Variants in TRIM37 observed in about 807,000 individuals in gnomAD.
The protein encoded by TRIM37 is tripartite motif containing 37.
Under a neutral mutation model 129.8 loss-of-function variants are expected in TRIM37, and 80 were observed. That is an observed-to-expected ratio of 0.62 (90% CI 0.51 to 0.74). TRIM37 has a LOEUF of 0.74. Among genes scored for constraint, TRIM37 ranks in the 30% least tolerant of loss-of-function variants. The pLI, the probability that TRIM37 is intolerant of heterozygous loss-of-function variation, is 0.00. For synonymous variants in TRIM37, 389 were observed against 387.1 expected, an observed-to-expected ratio of 1.00 and a Z score of -0.06; for missense variants, 1,054 against 1,176.5, an observed-to-expected ratio of 0.90 and a Z score of 1.52.
At chr17:59,085,288 C>T (rs1226804464) in intron 4 of TRIM37, among the ~76,000 whole-genome samples, 1 of 151,950 alleles carries the variant, frequency 6.6e-6, no homozygotes, top group African/African-American at 2.4e-5. Context: ...AATCACACCA[C>T]TGCACTCCAG....
chr17:59,032,940 A>G (rs2038049811), intron 17 of TRIM37, among the ~76,000 whole-genome samples: 1 of 152,164 alleles, frequency 6.6e-6, no homozygotes, highest in African/African-American at 2.4e-5. Context: ...TGACTGATGC[A>G]CATTACAGAC....
At chr17:58,981,668 T>TAA (rs1260179551), downstream of TRIM37, 1 of 152,646 alleles carries the variant, frequency 6.6e-6, no homozygotes, top group East Asian at 1.9e-4. Context: ...TCCTGTAACA[T>TAA]AAAAGATTGT....
In TRIM37 at chr17:59,001,324, T is replaced by A. The variant is rs144449592; in HGVS notation, c.2812+274A>T. Among the ~76,000 whole-genome samples, 99 of 150,592 alleles carry A rather than the reference T, an allele frequency of 6.6e-4. 1 individual carries two copies. Among genetic ancestry groups the A allele is most frequent in the African/African-American group, 2.3e-3 (94 of 40,950 alleles). On this transcript the variant is annotated intron_variant, in intron 23 of 23. Coordinates refer to ENST00000262294, the MANE Select transcript of TRIM37 (RefSeq NM_015294.6). Reference sequence around the variant, plus strand: ...AGGTCACAGACTATACAAAAGCAGGTTGTGGACCCCGTCTCTGCCCAGTAA... The same window carrying A: ...AGGTCACAGACTATACAAAAGCAGGATGTGGACCCCGTCTCTGCCCAGTAA...
downstream of TRIM37, among the ~76,000 whole-genome samples, chr17:58,979,548 A>G (rs997729844): frequency 6.6e-6 from 1 of 152,252 alleles, no homozygotes; most frequent in African/African-American, 2.4e-5. Context: ...GCTTCTTTCA[A>G]TGTGGGCTTG....
chr17:59,076,498 A>G (rs941735908), intron 7 of TRIM37, among the ~76,000 whole-genome samples: 1 of 152,252 alleles, frequency 6.6e-6, no homozygotes, highest in Non-Finnish European at 1.5e-5. Flanking sequence ...TCATGCAATG[A>G]GCCTTGATTG....
At chr17:58,982,966 T>C in intron 24 of TRIM37, 1 of 1,541,676 alleles carries the variant, frequency 6.5e-7, no homozygotes, top group South Asian at 1.2e-5. Flanking sequence ...TGGTACACAT[T>C]ATAGTCCAAA....
At chr17:58,969,412 A>T in the TRIM37 span, 13 of 889,988 alleles carry the variant, frequency 1.5e-5, no homozygotes, top group Admixed American at 1.9e-5. Context: ...GAAAACATTT[A>T]GTCTCATTAT....
chr17:59,055,913 C>A (rs1354208909), intron 13 of TRIM37, among the ~76,000 whole-genome samples: 3 of 151,958 alleles, frequency 2.0e-5, no homozygotes, highest in African/African-American at 7.3e-5. Flanking sequence ...CACATGTACC[C>A]CTGAACCTAA....
chr17:58,996,792 ATGTG>A (rs111408971), downstream of TRIM37, among the ~76,000 whole-genome samples: 1,713 of 79,384 alleles, frequency 0.022, 35 homozygotes, highest in African/African-American at 0.051. Flanking sequence ...GTATATATAT[ATGTG>A]TGTGTGTGTG....
the TRIM37 span, among the ~76,000 whole-genome samples, chr17:58,973,541 A>G: frequency 6.6e-6 from 1 of 150,544 alleles, no homozygotes; most frequent in Non-Finnish European, 1.5e-5. Context: ...TGGGACAGGC[A>G]CAGTGGCTCA....
chr17:59,066,532 C>G (rs977872930), intron 9 of TRIM37, among the ~76,000 whole-genome samples: 14 of 152,112 alleles, frequency 9.2e-5, no homozygotes, highest in Non-Finnish European at 1.5e-4. Context: ...ATTTTCAACT[C>G]AGAATGGTGA....
intron 23 of TRIM37, among the ~76,000 whole-genome samples, chr17:58,999,887 C>T (rs1054774639): frequency 3.9e-5 from 6 of 152,184 alleles, no homozygotes; most frequent in Non-Finnish European, 5.9e-5. Context: ...ATAACTTGCA[C>T]AAAATTTGGA....
intron 9 of TRIM37, among the ~76,000 whole-genome samples, chr17:59,070,205 G>C (rs1472986494): frequency 6.6e-6 from 1 of 152,134 alleles, no homozygotes; most frequent in Non-Finnish European, 1.5e-5. Context: ...GGAATATGCT[G>C]TTCAGAAAAA....
chr17:59,104,848 T>TAATTCATTAC (rs1430730392), intron 1 of TRIM37, among the ~76,000 whole-genome samples: 7 of 152,008 alleles, frequency 4.6e-5, no homozygotes, highest in Non-Finnish European at 7.4e-5. Context: ...TCCTAGCACT[T>TAATTCATTAC]TGGGAGGCTG....
chr17:59,024,231 A>T (rs1354872534), intron 19 of TRIM37, among the ~76,000 whole-genome samples: 1 of 151,630 alleles, frequency 6.6e-6, no homozygotes, highest in Non-Finnish European at 1.5e-5. Flanking sequence ...AAAAAAAAAA[A>T]AAAAAAAATT....
At chr17:59,103,084 G>A (rs2045661127) in intron 2 of TRIM37, among the ~76,000 whole-genome samples, 1 of 151,998 alleles carries the variant, frequency 6.6e-6, no homozygotes, top group African/African-American at 2.4e-5. Flanking sequence ...TATTGGTCAG[G>A]ATGGTCTCGA....
At chr17:59,066,606 C>A (rs2041938523) in intron 9 of TRIM37, among the ~76,000 whole-genome samples, 1 of 152,276 alleles carries the variant, frequency 6.6e-6, no homozygotes, top group East Asian at 1.9e-4. Flanking sequence ...AGAGTACAGT[C>A]CAGTTTACCC....
intron 19 of TRIM37, among the ~76,000 whole-genome samples, chr17:59,019,448 A>G (rs894362101): frequency 3.9e-5 from 6 of 152,318 alleles, no homozygotes; most frequent in Non-Finnish European, 8.8e-5. Flanking sequence ...AGTGGCTCAC[A>G]TCTGTAATCC....
Position 59,106,798 on chromosome 17 carries a change from T to C in TRIM37, c.-337A>G. ...CGCGCCTATGGAACTGACGGTGGAG[T>C]TCAGCGAAGAAGGTGCCGCAGAGAA... On this transcript the variant is annotated 5_prime_UTR_variant, in exon 1 of 24. Transcript: ENST00000262294. 2 of 528,290 alleles carry C rather than the reference T, an allele frequency of 3.8e-6. No homozygotes were observed. The highest frequency in any genetic ancestry group is 6.8e-6 in the Non-Finnish European group (2 of 295,034). The allele number at this position is 528,290 out of a possible 1,614,324, so 32.7% of individuals were successfully genotyped here. A position where few individuals can be genotyped will look rare whatever the true frequency, so the allele number is the denominator to read the frequency against.
Sources: gnomAD v4.1 joint callset for allele counts (sites outside exome capture counted in the v4.1 genomes callset) on GRCh38, gnomAD v4.1.1 for gene constraint, MANE v1.5 for transcripts, NCBI Gene and HGNC (gene_info 2026-07-23, HGNC 2026-07-21) for gene names.